The following C1orf94 variants were observed in gnomAD, a reference collection of about 807,000 sequenced individuals.
C1orf94 encodes the protein chromosome 1 open reading frame 94.
In C1orf94, 45 loss-of-function variants were observed where a neutral mutation model predicts 53.6. The ratio of observed to expected loss-of-function variants is 0.84; its 90% CI spans 0.66 to 1.08. C1orf94 has a LOEUF of 1.08. C1orf94 is among the 50% of genes least tolerant of loss of function. The pLI, the probability that C1orf94 is intolerant of heterozygous loss-of-function variation, is 0.00. For synonymous variants in C1orf94, 304 were observed against 296.1 expected, an observed-to-expected ratio of 1.03 and a Z score of -0.27; for missense variants, 762 against 738.9, an observed-to-expected ratio of 1.03 and a Z score of -0.36.
Position 34,177,797 on chromosome 1 carries a change from G to C in C1orf94, c.8G>C (p.Gly3Ala). The change falls in exon 1 of 7, where the codon GGT (glycine) becomes GCT (alanine). Residue 3 changes from glycine to alanine, a missense_variant. By Grantham distance (60) the Gly-to-Ala change is moderately conservative. Transcript: ENST00000488417. Reference sequence around the variant, plus strand: ...CATCTCCCTTTCTGGTGAATGAGGGGTGGTGGTGGTTGTGTTCTAGCCCTG... The same window carrying C: ...CATCTCCCTTTCTGGTGAATGAGGGCTGGTGGTGGTTGTGTTCTAGCCCTG... MRGGGGCVLALGG... is the reference protein window; with the variant it reads MRAGGGCVLALGG... 6.5e-7 allele frequency: 1 copy of C among 1,535,242 alleles called. No individual in the cohort carries two copies. The highest frequency in any genetic ancestry group is 8.8e-7 in the Non-Finnish European group (1 of 1,135,144).
chr1:34,175,883 A>G (rs1264853570), upstream of C1orf94, among the ~76,000 whole-genome samples: 1 of 152,024 alleles, frequency 6.6e-6, no homozygotes. Flanking sequence ...TTGGTACAAA[A>G]GTAATTGTGG....
In C1orf94 at chr1:34,197,400, C is replaced by A; in HGVS notation, c.496C>A (p.Leu166Ile). The A allele has an allele frequency of 6.2e-7, 1 of 1,613,884 alleles. No individual in the cohort carries two copies. The highest frequency in any genetic ancestry group is 8.5e-7 in the Non-Finnish European group (1 of 1,179,806). ...GGCTCCCTGCATTCTTGCCCCTCCTCTAGTGGCAGGCAGTAATGAGCGCCC... is the reference window on the plus strand; with the variant it reads ...GGCTCCCTGCATTCTTGCCCCTCCTATAGTGGCAGGCAGTAATGAGCGCCC... ...ELAPCILAPP[L>I]VAGSNERPRA... Residue 166 changes from leucine (L) to isoleucine (I), a missense_variant, in exon 2 of 7, where the codon CTA becomes ATA. Coordinates refer to ENST00000488417, the MANE Select transcript of C1orf94 (RefSeq NM_001134734.2). The surrounding 1 kb of genome is among the most constrained non-coding windows in gnomAD (Gnocchi z 4.1).
chr1:34,217,585 G>A lies in C1orf94; in HGVS notation c.1722-1101G>A, dbSNP rs186798012. ...GGCCCTGGGCACATGATATGAAATA[G>A]GTAAAGTCTCTGCTCTCTTGGCACT... On this transcript the variant is annotated intron_variant, in intron 6 of 6. Coordinates refer to ENST00000488417, the MANE Select transcript of C1orf94 (RefSeq NM_001134734.2). 6.6e-5 allele frequency among the ~76,000 whole-genome samples: 10 copies of A among 152,308 alleles called. No individual in the cohort carries two copies. The East Asian group carries it at 1.9e-3, about 29-fold the overall frequency.
At chr1:34,202,384 A>C (rs775397975) in intron 4 of C1orf94, 125 bp downstream of exon 4, 10 of 1,077,310 alleles carry the variant, frequency 9.3e-6, no homozygotes, top group Non-Finnish European at 1.2e-5. Context: ...CCCTACATGC[A>C]AGAGGCTTCG....
At chr1:34,210,370 G>A (rs1642869821) in intron 5 of C1orf94, among the ~76,000 whole-genome samples, 1 of 152,198 alleles carries the variant, frequency 6.6e-6, no homozygotes, top group African/African-American at 2.4e-5. Context: ...GGAGAACATT[G>A]GGGAAGACCG....
chr1:34,212,220 A>G lies in C1orf94; in HGVS notation c.1535A>G (p.Tyr512Cys). Residue 512 changes from tyrosine to cysteine, a missense_variant, in exon 6 of 7, where the codon TAC becomes TGC. Tyr to Cys is a radical substitution (Grantham distance 194). Coordinates refer to ENST00000488417, the MANE Select transcript of C1orf94 (RefSeq NM_001134734.2). ...LGCYSQQVMPYNPQQMGQQIF... is the reference protein window; with the variant it reads ...LGCYSQQVMPCNPQQMGQQIF... ...CTCTGTGATGTGCAGGTGATGCCAT[A>G]CAACCCACAGCAGATGGGACAGCAG... 6.2e-7 allele frequency: 1 copy of G among 1,609,984 alleles called. No homozygotes were observed. The highest frequency in any genetic ancestry group is 1.3e-5 in the African/African-American group (1 of 74,704).
chr1:34,186,308 A>T (rs1193767493), intron 1 of C1orf94, among the ~76,000 whole-genome samples: 1 of 152,238 alleles, frequency 6.6e-6, no homozygotes. Flanking sequence ...ATTACTATGG[A>T]AGCAAATGAA....
intron 1 of C1orf94, among the ~76,000 whole-genome samples, chr1:34,182,926 C>T (rs981991520): frequency 6.6e-6 from 1 of 152,200 alleles, no homozygotes; most frequent in African/African-American, 2.4e-5. Context: ...GAGGTGTTGA[C>T]CCCTCCAAGA....
In C1orf94 at chr1:34,197,918, G is replaced by A. The variant is rs768260688; in HGVS notation, c.1009+5G>A. On this transcript the variant is annotated splice_donor_5th_base_variant and intron_variant, in intron 2 of 6. Transcript: ENST00000488417. The surrounding 1 kb of genome is among the most constrained non-coding windows in gnomAD (Gnocchi z 4.1). Reference sequence around the variant, plus strand: ...TGGAGAGGCACCACTTGATGGGTGAGTGGGGTTGGAACTGGGGTAGAGTGG... The same window carrying A: ...TGGAGAGGCACCACTTGATGGGTGAATGGGGTTGGAACTGGGGTAGAGTGG... 5.0e-6 allele frequency: 8 copies of A among 1,609,918 alleles called. No individual in the cohort carries two copies. Among genetic ancestry groups the A allele is most frequent in the South Asian group, 2.2e-5 (2 of 90,318 alleles).
intron 4 of C1orf94, among the ~76,000 whole-genome samples, chr1:34,205,736 T>C (rs562807729): frequency 5.9e-5 from 9 of 152,314 alleles, no homozygotes; most frequent in African/African-American, 2.2e-4. Context: ...TCTAGCCTGG[T>C]CTTTTCCCTG....
At chr1:34,175,190 ATTT>A (rs10608833), upstream of C1orf94, among the ~76,000 whole-genome samples, 443 of 133,258 alleles carry the variant, frequency 3.3e-3, 5 homozygotes, top group African/African-American at 9.6e-3. Flanking sequence ...GCTGTATTTG[ATTT>A]TTTTTTTTTT....
intron 1 of C1orf94, among the ~76,000 whole-genome samples, chr1:34,178,746 C>T (rs1319502065): frequency 6.6e-6 from 1 of 151,688 alleles, no homozygotes; most frequent in East Asian, 1.9e-4. Context: ...CAAAGTTGGG[C>T]AGATATTGTT....
chr1:34,201,226 G>A (rs572125818), intron 3 of C1orf94, among the ~76,000 whole-genome samples, 194 bp downstream of exon 3: 1 of 152,326 alleles, frequency 6.6e-6, no homozygotes, highest in Non-Finnish European at 1.5e-5. Context: ...CTAGAGAAGT[G>A]TAGTTGGCTT....
Position 34,200,931 on chromosome 1 carries a change from C to T in C1orf94, c.1169C>T (p.Ala390Val). ...CCGCCCAAGAAACCTACATGTCCAG[C>T]CGAGAAGAACTTGCTCTATGAGTTC... ...TLPPKKPTCPAEKNLLYEFLG... is the reference protein window; with the variant it reads ...TLPPKKPTCPVEKNLLYEFLG... Residue 390 changes from alanine (A) to valine (V), a missense_variant, in exon 3 of 7, where the codon GCC becomes GTC. Coordinates refer to ENST00000488417, the MANE Select transcript of C1orf94 (RefSeq NM_001134734.2). The T allele has an allele frequency of 6.2e-7, 1 of 1,614,148 alleles. No individual in the cohort carries two copies. Among genetic ancestry groups the T allele is most frequent in the Non-Finnish European group, 8.5e-7 (1 of 1,180,040 alleles).
chr1:34,187,322 G>T (rs1280417381), intron 1 of C1orf94, among the ~76,000 whole-genome samples: 2 of 152,138 alleles, frequency 1.3e-5, no homozygotes, highest in African/African-American at 4.8e-5. Flanking sequence ...GTGGCTTCAA[G>T]GCTTGAGTTC....
Position 34,177,681 on chromosome 1 carries a change from C to A in C1orf94, c.-109C>A. Reference sequence around the variant, plus strand: ...AAAAGAAAGCTGTCCTCCACCCACCCCTCCCACACAAATAGAAGGCCTCTG... The same window carrying A: ...AAAAGAAAGCTGTCCTCCACCCACCACTCCCACACAAATAGAAGGCCTCTG... On this transcript the variant is annotated 5_prime_UTR_variant, in exon 1 of 7. Transcript: ENST00000488417. The A allele has an allele frequency of 1.0e-6, 1 of 968,396 alleles. No individual in the cohort carries two copies. The highest frequency in any genetic ancestry group is 1.5e-6 in the Non-Finnish European group (1 of 669,312). 60.0% of individuals were successfully genotyped at this position (968,396 alleles called of 1,614,324 possible). A position where few individuals can be genotyped will look rare whatever the true frequency, so the allele number is the denominator to read the frequency against.
chr1:34,168,148 A>G (rs985795641), intron 1 of C1orf94, among the ~76,000 whole-genome samples: 1 of 152,118 alleles, frequency 6.6e-6, no homozygotes, highest in African/African-American at 2.4e-5. Context: ...GGAAGATGGG[A>G]TCTAAAATTA....
rs144600913 is a variant in C1orf94, at chr1:34,192,072, C to T, written c.321-5153C>T. 3.2e-3 allele frequency among the ~76,000 whole-genome samples: 485 copies of T among 152,232 alleles called. 2 individuals carry two copies. The highest frequency in any genetic ancestry group is 0.011 in the African/African-American group (448 of 41,544). ...GCTGGGTTAACCTCCCTGAATGATT[C>T]GCTGTGATAGAGTCTGTGATAGATT... On this transcript the variant is annotated intron_variant, in intron 1 of 6. Transcript: ENST00000488417.
At chr1:34,187,411 G>A (rs1160760741) in intron 1 of C1orf94, among the ~76,000 whole-genome samples, 1 of 152,104 alleles carries the variant, frequency 6.6e-6, no homozygotes, top group African/African-American at 2.4e-5. Flanking sequence ...GAAGAAAGAT[G>A]AATCATGATT....
Sources: gnomAD v4.1 joint callset for allele counts (sites outside exome capture counted in the v4.1 genomes callset) on GRCh38, gnomAD v4.1.1 for gene constraint, Gnocchi (gnomAD v3.1) non-coding constraint, MANE v1.5 for transcripts, NCBI Gene and HGNC (gene_info 2026-07-23, HGNC 2026-07-21) for gene names.